The following LRP5 variants were observed in gnomAD, a reference collection of about 807,000 sequenced individuals.
LRP5 encodes low-density lipoprotein receptor-related protein 5.
In LRP5, 62 loss-of-function variants were observed where a neutral mutation model predicts 154.1. That is an observed-to-expected ratio of 0.40 (90% CI 0.33 to 0.50). The LOEUF (loss-of-function observed/expected upper bound fraction) is 0.50. Ranked by LOEUF, LRP5 falls within the 20% of genes least tolerant of loss-of-function variation. LRP5 has a pLI of 0.55. For synonymous variants in LRP5, 966 were observed against 1,011.5 expected (o/e 0.96, Z 0.85); for missense variants, 1,915 against 2,336.7 (o/e 0.82, Z 3.72).
chr11:68,407,219 A>C (rs1047501043), intron 9 of LRP5, among the ~76,000 whole-genome samples: 11 of 148,534 alleles, frequency 7.4e-5, no homozygotes, highest in Non-Finnish European at 1.0e-4. Flanking sequence ...CCCAGGCTGG[A>C]GTACCGTAGC....
At chr11:68,364,351 CAT>C (rs200855734) in intron 4 of LRP5, among the ~76,000 whole-genome samples, 140 of 129,710 alleles carry the variant, frequency 1.1e-3, no homozygotes, top group Admixed American at 4.8e-3. Flanking sequence ...TTTATATATA[CAT>C]ATATATGTGT....
Position 68,357,874 on chromosome 11 carries a change from C to T in LRP5, c.686+27C>T, listed in dbSNP as rs776355381. ...TAGGTACCCACGCAGTCCTGGGGCACCCCTTTCCCCTTTGTCCCCAGGGCT... is the reference window on the plus strand; with the variant it reads ...TAGGTACCCACGCAGTCCTGGGGCATCCCTTTCCCCTTTGTCCCCAGGGCT... On this transcript the variant is annotated intron_variant, in intron 3 of 22. Coordinates refer to ENST00000294304, the MANE Select transcript of LRP5 (RefSeq NM_002335.4). 42 of 1,584,754 alleles carry T rather than the reference C, an allele frequency of 2.7e-5. 1 individual carries two copies. The highest frequency in any genetic ancestry group is 2.3e-4 in the East Asian group (10 of 43,158).
intron 16 of LRP5, among the ~76,000 whole-genome samples, 180 bp from the exon 17 acceptor site, chr11:68,429,395 G>GT (rs940711408): frequency 1.3e-5 from 2 of 152,176 alleles, no homozygotes; most frequent in African/African-American, 4.8e-5. Context: ...GTCAATTTCC[G>GT]TGTCAGTAGG....
rs1227748056 is a variant in LRP5 at position 68,386,174 on chromosome 11, C to T, written c.1016-142C>T. 2.6e-5 allele frequency: 24 copies of T among 927,672 alleles called. No individual in the cohort carries two copies. Among genetic ancestry groups the T allele is most frequent in the South Asian group, 7.1e-5 (5 of 70,394 alleles). The allele number at this position is 927,672 out of a possible 1,614,324, so 57.5% of individuals were successfully genotyped here. A position where few individuals can be genotyped will look rare whatever the true frequency, so the allele number is the denominator to read the frequency against. Reference sequence around the variant, plus strand: ...GTGACCATGTAGCATGGGCTGGGTGCGTGTCACCTAACATCACCAGCCTTT... The same window carrying T: ...GTGACCATGTAGCATGGGCTGGGTGTGTGTCACCTAACATCACCAGCCTTT... On this transcript the variant is annotated intron_variant, in intron 5 of 22. Transcript: ENST00000294304. This position sits in a 1 kb window ranked among gnomAD's most constrained non-coding sequence, Gnocchi z 7.9.
chr11:68,381,920 T>C (rs1339305954), intron 5 of LRP5, among the ~76,000 whole-genome samples: 1 of 152,210 alleles, frequency 6.6e-6, no homozygotes, highest in Non-Finnish European at 1.5e-5. Flanking sequence ...GGCAGGGCTG[T>C]GGCGGAGCCC....
chr11:68,313,507 G>A (rs2098590392), intron 1 of LRP5, among the ~76,000 whole-genome samples: 2 of 152,324 alleles, frequency 1.3e-5, no homozygotes, highest in South Asian at 2.1e-4. Flanking sequence ...GTACACTCCC[G>A]TGGGGAGAGG....
chr11:68,308,923 A>ATTTTTTTTTTTTTTTTTTTTTT (rs34529621), upstream of LRP5, among the ~76,000 whole-genome samples: 1 of 74,482 alleles, frequency 1.3e-5, no homozygotes, highest in Non-Finnish European at 2.4e-5. Flanking sequence ...TAATCAGCTA[A>ATTTTTTTTTTTTTTTTTTTTTT]TTTTTTTTTT....
At position 68,425,253 on chromosome 11, in the gene LRP5, G is replaced by A; in HGVS notation, c.3388G>A (p.Asp1130Asn). 6.2e-7 allele frequency: 1 copy of A among 1,611,414 alleles called. No homozygotes were observed. The highest frequency in any genetic ancestry group is 8.5e-7 in the Non-Finnish European group (1 of 1,179,976). ...CACACTGGGCAAGCTGTTCTGGGTG[G>A]ACGCGGACCTGAAGCGCATTGAGAG... ...DNTLGKLFWV[D>N]ADLKRIESCD... The change falls in exon 15 of 23, where the codon GAC becomes AAC. Residue 1130 changes from aspartate (D) to asparagine (N), a missense_variant. Coordinates refer to ENST00000294304, the MANE Select transcript of LRP5 (RefSeq NM_002335.4).
At chr11:68,317,544 G>A (rs2098594143) in intron 1 of LRP5, among the ~76,000 whole-genome samples, 1 of 152,058 alleles carries the variant, frequency 6.6e-6, no homozygotes, top group Admixed American at 6.5e-5. Context: ...GGTAGTGGGG[G>A]CTGCCTTCCT....
At chr11:68,429,986 T>C (rs1172637467) in intron 17 of LRP5, among the ~76,000 whole-genome samples, 2 of 152,222 alleles carry the variant, frequency 1.3e-5, no homozygotes, top group Non-Finnish European at 2.9e-5. Flanking sequence ...CTTTGGCTCA[T>C]GTGTTATTTA....
At chr11:68,327,095 A>G (rs1038727697) in intron 1 of LRP5, among the ~76,000 whole-genome samples, 1 of 152,092 alleles carries the variant, frequency 6.6e-6, no homozygotes, top group Non-Finnish European at 1.5e-5. Context: ...TGCCCGCCCC[A>G]GCAGGTGGGG....
intron 9 of LRP5, among the ~76,000 whole-genome samples, chr11:68,409,073 A>AAAATATATATATATATATATATATAT (rs2098657548): frequency 4.5e-5 from 2 of 44,186 alleles, no homozygotes; most frequent in African/African-American, 2.6e-4. Context: ...AAAAAAAAAA[A>AAAATATATATATATATATATATATAT]ATATATATAT....
chr11:68,379,064 AAAAT>A (rs941293947), intron 5 of LRP5, among the ~76,000 whole-genome samples: 16 of 152,134 alleles, frequency 1.1e-4, no homozygotes, highest in Non-Finnish European at 7.3e-5. Context: ...AAATAAAAAT[AAAAT>A]AAATAAATAC....
intron 1 of LRP5, among the ~76,000 whole-genome samples, chr11:68,313,903 C>G (rs1296117291): frequency 1.3e-5 from 2 of 152,208 alleles, no homozygotes; most frequent in Non-Finnish European, 2.9e-5. Flanking sequence ...ATCCCCCAGG[C>G]TGCAGCCTCT....
chr11:68,359,672 A>G (rs1281660532), intron 3 of LRP5, among the ~76,000 whole-genome samples: 1 of 151,724 alleles, frequency 6.6e-6, no homozygotes, highest in East Asian at 1.9e-4. Flanking sequence ...ATTATGTTTT[A>G]TTTTTATTTA....
chr11:68,389,771 T>A, intron 6 of LRP5, 110 bp from the exon 7 acceptor site: 1 of 1,058,360 alleles, frequency 9.4e-7, no homozygotes, highest in Non-Finnish European at 1.5e-6. Flanking sequence ...GACATCAACA[T>A]TTAGCCATGT....
chr11:68,302,626 C>T, the LRP5 span, among the ~76,000 whole-genome samples: 1 of 152,100 alleles, frequency 6.6e-6, no homozygotes, highest in South Asian at 2.1e-4. Context: ...GTGGGTGAGG[C>T]GGGAAGGAGA....
chr11:68,403,006 G>A (rs2098653476), intron 7 of LRP5, among the ~76,000 whole-genome samples: 1 of 152,228 alleles, frequency 6.6e-6, no homozygotes, highest in South Asian at 2.1e-4. Context: ...AGCACTTTGG[G>A]AGGCTGAGGA....
intron 5 of LRP5, among the ~76,000 whole-genome samples, chr11:68,366,143 G>A (rs1286122778): frequency 6.6e-6 from 1 of 152,186 alleles, no homozygotes; most frequent in South Asian, 2.1e-4. Context: ...GGGATAGCCA[G>A]TCTGGCCTCT....
Sources: gnomAD v4.1 joint callset for allele counts (sites outside exome capture counted in the v4.1 genomes callset) on GRCh38, gnomAD v4.1.1 for gene constraint, Gnocchi (gnomAD v3.1) non-coding constraint, MANE v1.5 for transcripts, NCBI Gene and HGNC (gene_info 2026-07-23, HGNC 2026-07-21) for gene names.